Variants in CDH13 observed in about 807,000 individuals in gnomAD.
The protein encoded by CDH13 is cadherin-13.
A neutral mutation model predicts 63.8 loss-of-function variants in CDH13; 24 were observed. The ratio of observed to expected loss-of-function variants is 0.38; its 90% confidence interval spans 0.27 to 0.53. The LOEUF is 0.53. Ranked by LOEUF, CDH13 falls within the 20% of genes least tolerant of loss-of-function variation. The probability of loss-of-function intolerance (pLI) is 0.85; values close to 1 mark genes in which losing one functional copy is unlikely to be tolerated. For missense variants in CDH13, 1,049 were observed against 903.1 expected (o/e 1.16, Z -2.07); for synonymous variants, 503 against 355.3 (o/e 1.42, Z -4.67).
At chr16:83,605,439 G>A (rs562974607) in intron 8 of CDH13, among the ~76,000 whole-genome samples, 171 of 152,260 alleles carry the variant, frequency 1.1e-3, no homozygotes, top group Non-Finnish European at 1.9e-3. Flanking sequence ...AGTAAGGAGG[G>A]GGCGCTGGAG....
At chr16:83,479,745 A>C (rs1200012820) in intron 6 of CDH13, among the ~76,000 whole-genome samples, 1 of 150,762 alleles carries the variant, frequency 6.6e-6, no homozygotes, top group African/African-American at 2.5e-5. Flanking sequence ...AAAGGGGGTA[A>C]TATTACTTCT....
chr16:82,984,868 G>C (rs1375252703), intron 2 of CDH13, among the ~76,000 whole-genome samples: 4 of 152,202 alleles, frequency 2.6e-5, no homozygotes, highest in Admixed American at 2.6e-4. Context: ...ATAACTATTA[G>C]CTAATGTTAT....
At chr16:83,016,163 G>C (rs1327409186) in intron 2 of CDH13, among the ~76,000 whole-genome samples, 2 of 152,122 alleles carry the variant, frequency 1.3e-5, no homozygotes, top group Non-Finnish European at 2.9e-5. Flanking sequence ...GGATGAATAG[G>C]CATGGCCTAC....
At chr16:83,473,092 C>T (rs530090753) in intron 6 of CDH13, among the ~76,000 whole-genome samples, 4 of 152,312 alleles carry the variant, frequency 2.6e-5, no homozygotes, top group Admixed American at 1.3e-4. Flanking sequence ...AATCCCAGCG[C>T]ATTTAATTTC....
intron 6 of CDH13, among the ~76,000 whole-genome samples, chr16:83,465,847 C>G (rs895529838): frequency 7.2e-5 from 11 of 152,220 alleles, no homozygotes; most frequent in African/African-American, 2.4e-4. Context: ...ACTCTATTCT[C>G]TCTTACTTCC....
intron 5 of CDH13, among the ~76,000 whole-genome samples, chr16:83,232,846 T>A (rs1439498739): frequency 6.6e-6 from 1 of 152,226 alleles, no homozygotes; most frequent in Non-Finnish European, 1.5e-5. Flanking sequence ...AGCCCTTTTA[T>A]ATCTAATTTT....
intron 7 of CDH13, among the ~76,000 whole-genome samples, chr16:83,548,613 G>A (rs908856891): frequency 2.6e-5 from 4 of 152,134 alleles, no homozygotes; most frequent in Non-Finnish European, 5.9e-5. Flanking sequence ...TTTTACAAGG[G>A]GTATGTGGTG....
chr16:82,756,800 T>C (rs1015666988), intron 1 of CDH13, among the ~76,000 whole-genome samples: 7 of 152,168 alleles, frequency 4.6e-5, no homozygotes, highest in African/African-American at 1.7e-4. Context: ...CTCTTAGAAC[T>C]GAAAATTGAT....
At position 83,502,113 on chromosome 16, in the gene CDH13, C is replaced by G. The variant is rs150803387; in HGVS notation, c.960+15458C>G. Among the ~76,000 whole-genome samples the G allele has an allele frequency of 2.6e-5, 4 of 152,324 alleles. No homozygotes were observed. In the East Asian group the frequency reaches 5.8e-4, roughly 22 times the overall value. On this transcript the variant is annotated intron_variant, in intron 7 of 13. Coordinates refer to ENST00000567109, the MANE Select transcript of CDH13 (RefSeq NM_001257.5). The stretch of plus-strand genomic sequence containing the variant: ...GGAAGACAGAATAATGGCTCCTCCC[C>G]TTCAAAGAAGTCCTCATCCTAATTC...
intron 7 of CDH13, among the ~76,000 whole-genome samples, chr16:83,536,692 G>C (rs559550673): frequency 1.3e-5 from 2 of 152,294 alleles, no homozygotes; most frequent in Admixed American, 6.5e-5. Context: ...GTGTTAAGGG[G>C]AGATGGAGAA....
At chr16:83,652,556 A>T (rs1912482636) in intron 8 of CDH13, among the ~76,000 whole-genome samples, 1 of 151,350 alleles carries the variant, frequency 6.6e-6, no homozygotes, top group Non-Finnish European at 1.5e-5. Context: ...TTTGAAAGAG[A>T]CAAGGCTCTC....
At chr16:83,275,058 A>T (rs933456403) in intron 5 of CDH13, among the ~76,000 whole-genome samples, 2 of 152,214 alleles carry the variant, frequency 1.3e-5, no homozygotes, top group Admixed American at 6.5e-5. Flanking sequence ...ACTTCCCACT[A>T]TTATACATGA....
chr16:82,829,247 C>G (rs956086253), intron 1 of CDH13: 2 of 152,264 alleles, frequency 1.3e-5, no homozygotes, highest in South Asian at 2.1e-4. Flanking sequence ...CTTTTTATCC[C>G]CTCTCCTTCT....
intron 2 of CDH13, among the ~76,000 whole-genome samples, chr16:83,008,478 C>G (rs1913778157): frequency 6.6e-6 from 1 of 152,164 alleles, no homozygotes; most frequent in African/African-American, 2.4e-5. Context: ...GGCCGAGTGA[C>G]TGAGTGAGGG....
At chr16:82,933,597 A>C (rs922766467) in intron 2 of CDH13, among the ~76,000 whole-genome samples, 1 of 152,228 alleles carries the variant, frequency 6.6e-6, no homozygotes. Flanking sequence ...TCATTTTGGC[A>C]TTAACCCAAA....
intron 5 of CDH13, among the ~76,000 whole-genome samples, chr16:83,284,097 A>C (rs1186644503): frequency 6.6e-6 from 1 of 152,228 alleles, no homozygotes; most frequent in Non-Finnish European, 1.5e-5. Flanking sequence ...TTAGCTTCAC[A>C]GACAGCCTTA....
intron 1 of CDH13, among the ~76,000 whole-genome samples, chr16:82,728,531 AC>A (rs1480866546): frequency 6.6e-6 from 1 of 152,162 alleles, no homozygotes; most frequent in African/African-American, 2.4e-5. Flanking sequence ...TATGTCTAAA[AC>A]GTGTGCATAC....
At chr16:82,932,613 T>C (rs1327437681) in intron 2 of CDH13, among the ~76,000 whole-genome samples, 1 of 152,210 alleles carries the variant, frequency 6.6e-6, no homozygotes, top group African/African-American at 2.4e-5. Context: ...TAAACTTTAC[T>C]GAAAAAATGT....
chr16:83,301,028 T>TTTTG lies in CDH13; in HGVS notation c.637-43831_637-43830insGTTT, dbSNP rs2089724486. Among the ~76,000 whole-genome samples, 4 of 120,424 alleles carry TTTTG rather than the reference T, an allele frequency of 3.3e-5. No homozygotes were observed. In the South Asian group the frequency reaches 1.2e-3, roughly 37 times the overall value. The allele number at this position is 120,424 out of a possible 152,430, so 79.0% of individuals were successfully genotyped here. A position where few individuals can be genotyped will look rare whatever the true frequency, so the allele number is the denominator to read the frequency against. ...CTGATACATATAACTTTCTGGGGTTTTTTTTTTTTTTTTTTTTTTTTGAGA... is the reference window on the plus strand; with the variant it reads ...CTGATACATATAACTTTCTGGGGTTTTTTGTTTTTTTTTTTTTTTTTTTTTGAGA... On this transcript the variant is annotated intron_variant, in intron 5 of 13. Coordinates refer to ENST00000567109, the MANE Select transcript of CDH13 (RefSeq NM_001257.5).
Sources: allele counts gnomAD v4.1 joint callset (sites outside exome capture counted in the v4.1 genomes callset), GRCh38; gene constraint gnomAD v4.1.1; transcripts MANE v1.5; gene names NCBI Gene and HGNC (gene_info 2026-07-23, HGNC 2026-07-21).